Variants in UBAP2 observed in about 807,000 individuals in gnomAD.
UBAP2 encodes ubiquitin associated protein 2.
A neutral mutation model predicts 139.6 loss-of-function variants in UBAP2; 75 were observed. The observed-to-expected ratio is 0.54, with a 90% confidence interval of 0.45 to 0.65. The LOEUF is 0.65. Among genes scored for constraint, UBAP2 ranks in the 30% least tolerant of loss-of-function variants. The pLI is 0.00. For missense variants in UBAP2, 1,368 were observed against 1,369.6 expected (o/e 1.00, Z 0.02); for synonymous variants, 526 against 526.2 (o/e 1.00, Z 0.01).
At chr9:33,967,554 T>C (rs73479272) in intron 8 of UBAP2, among the ~76,000 whole-genome samples, 1,777 of 152,302 alleles carry the variant, frequency 0.012, 36 homozygotes, top group African/African-American at 0.04. Context: ...CTTTCATAGA[T>C]CTTATTGTTC....
chr9:33,963,958 T>C (rs1827263744), intron 8 of UBAP2, among the ~76,000 whole-genome samples, 167 bp from the exon 9 acceptor site: 1 of 152,226 alleles, frequency 6.6e-6, no homozygotes, highest in African/African-American at 2.4e-5. Flanking sequence ...AATCAAGTTA[T>C]GAATCTTATC....
In UBAP2 at chr9:33,927,891, G is replaced by C. The variant is rs915107047; in HGVS notation, c.2277C>G (p.Ser759=). 3.1e-6 allele frequency: 5 copies of C among 1,614,196 alleles called. No homozygotes were observed. The highest frequency in any genetic ancestry group is 4.2e-6 in the Non-Finnish European group (5 of 1,180,000). The change falls in exon 20 of 29, where the codon TCC becomes TCG. Residue 759 remains serine (S), a synonymous_variant. Coordinates refer to ENST00000379238, the MANE Select transcript of UBAP2 (RefSeq NM_001370062.2). Reference sequence around the variant, plus strand: ...GGCTGTTCGCGGTGTTCATGCTACTGGACAGGCTGGCGCCTGAGGATGCGG... The same window carrying C: ...GGCTGTTCGCGGTGTTCATGCTACTCGACAGGCTGGCGCCTGAGGATGCGG... ...SSSASSGASL[S]SSMNTANSLC...
At chr9:33,941,914 A>G (rs1825246874) in intron 15 of UBAP2, 52 bp from the exon 16 acceptor site, 1 of 1,255,228 alleles carries the variant, frequency 8.0e-7, no homozygotes, top group Non-Finnish European at 1.1e-6. Context: ...AAATAGCTTC[A>G]TAAAAAAAAA....
At chr9:33,995,596 AATT>A (rs1360414303) in intron 4 of UBAP2, 2 of 134,908 alleles carry the variant, frequency 1.5e-5, no homozygotes, top group Admixed American at 8.0e-5. Context: ...TAAAATTTAA[AATT>A]ATTAAATAAA....
chr9:34,018,881 T>G (rs1290312323), intron 1 of UBAP2, among the ~76,000 whole-genome samples: 1 of 70,210 alleles, frequency 1.4e-5, no homozygotes, highest in Non-Finnish European at 3.3e-5. Flanking sequence ...TAAATAAATT[T>G]TAAAAATAAA....
At position 33,923,943 on chromosome 9, in the gene UBAP2, G is replaced by A. The variant is rs1823181131; in HGVS notation, c.2648C>T (p.Pro883Leu). The change falls in exon 24 of 29, where the codon CCA (proline) becomes CTA (leucine). Residue 883 changes from proline (P) to leucine (L), a missense_variant. Coordinates refer to ENST00000379238, the MANE Select transcript of UBAP2 (RefSeq NM_001370062.2). Reference protein sequence around the residue: ...DSASPAPATTPAQPQQSQSQT... With the variant: ...DSASPAPATTLAQPQQSQSQT... ...TGATTGGCTCTGCTGTGGCTGAGCT[G>A]GTGTGGTAGCGGGTGCAGGGGATGC... The A allele has an allele frequency of 6.2e-7, 1 of 1,614,170 alleles. No individual in the cohort carries two copies.
At chr9:33,965,191 T>C (rs1326812552) in intron 8 of UBAP2, among the ~76,000 whole-genome samples, 3 of 152,180 alleles carry the variant, frequency 2.0e-5, no homozygotes, top group Admixed American at 6.5e-5. Flanking sequence ...AGTGTACAAT[T>C]TAGTGGCACA....
chr9:33,940,089 AAGG>A (rs1461690611), intron 16 of UBAP2, among the ~76,000 whole-genome samples: 2 of 151,362 alleles, frequency 1.3e-5, no homozygotes, highest in Non-Finnish European at 3.0e-5. Flanking sequence ...AGAAGAAAAA[AAGG>A]AGGAGGAGGA....
At chr9:34,028,508 T>C (rs886202204) in intron 1 of UBAP2, among the ~76,000 whole-genome samples, 2 of 151,992 alleles carry the variant, frequency 1.3e-5, no homozygotes, top group African/African-American at 4.8e-5. Context: ...GCCTCCCAAG[T>C]AGCTGGGATT....
At chr9:34,033,910 AT>A (rs1419158619) in intron 1 of UBAP2, among the ~76,000 whole-genome samples, 2 of 151,776 alleles carry the variant, frequency 1.3e-5, no homozygotes, top group Non-Finnish European at 2.9e-5. Flanking sequence ...TAATTTTTGC[AT>A]TTTTAGTAGA....
At chr9:33,981,205 G>GAT (rs376947939) in intron 6 of UBAP2, among the ~76,000 whole-genome samples, 166 of 3,680 alleles carry the variant, frequency 0.045, 57 homozygotes, top group South Asian at 0.16. Flanking sequence ...ATATATTCTG[G>GAT]ATATATATAT....
chr9:34,019,185 A>C (rs1032449495), intron 1 of UBAP2, among the ~76,000 whole-genome samples: 40 of 152,204 alleles, frequency 2.6e-4, no homozygotes, highest in Non-Finnish European at 2.9e-5. Flanking sequence ...TAGATTGATT[A>C]CAAGGTCAGG....
rs369678183 is a variant in UBAP2 at position 34,048,810 on chromosome 9, G to A, written c.-42+15C>T. ...GCCCTGGAAGAGGGAAGGAGAGGGA[G>A]AGGATGGCAATTACCGCTGCTGCTC... On this transcript the variant is annotated intron_variant, in intron 1 of 28. Coordinates refer to ENST00000379238, the MANE Select transcript of UBAP2 (RefSeq NM_001370062.2). The A allele has an allele frequency of 6.6e-6, 1 of 152,642 alleles. No homozygotes were observed. Among genetic ancestry groups the A allele is most frequent in the East Asian group, 1.9e-4 (1 of 5,196 alleles). 9.5% of individuals were successfully genotyped at this position (152,642 alleles called of 1,614,324 possible).
At chr9:33,958,487 T>C (rs1826753525) in intron 10 of UBAP2, among the ~76,000 whole-genome samples, 1 of 151,576 alleles carries the variant, frequency 6.6e-6, no homozygotes, top group Non-Finnish European at 1.5e-5. Flanking sequence ...CTTGTCTCAC[T>C]GCAAGTGCCT....
intron 22 of UBAP2, among the ~76,000 whole-genome samples, chr9:33,926,000 G>A (rs1823396297): frequency 6.6e-6 from 1 of 152,202 alleles, no homozygotes; most frequent in Non-Finnish European, 1.5e-5. Context: ...TCCCAGGAAA[G>A]GCCCACACTG....
chr9:33,983,044 AT>A (rs879335577), intron 6 of UBAP2, among the ~76,000 whole-genome samples: 13 of 151,734 alleles, frequency 8.6e-5, no homozygotes, highest in Non-Finnish European at 1.8e-4. Flanking sequence ...TACCCAGCTA[AT>A]TTTTTTGTAT....
chr9:33,948,990 C>A (rs1276568489), intron 12 of UBAP2: 2 of 161,238 alleles, frequency 1.2e-5, no homozygotes, highest in Non-Finnish European at 2.7e-5. Flanking sequence ...CACAGTGAAA[C>A]CCCGGCTCTA....
chr9:34,049,107 A>G (rs904011739), upstream of UBAP2, among the ~76,000 whole-genome samples: 1 of 152,202 alleles, frequency 6.6e-6, no homozygotes, highest in African/African-American at 2.4e-5. Flanking sequence ...GAGACTTGAT[A>G]ATATGTATTG....
intron 1 of UBAP2, among the ~76,000 whole-genome samples, chr9:34,027,305 A>C (rs1825483276): frequency 6.6e-6 from 1 of 151,788 alleles, no homozygotes; most frequent in African/African-American, 2.4e-5. Context: ...ACATAGTGAA[A>C]CCCTACCCTA....
Sources: gnomAD v4.1 joint callset for allele counts (sites outside exome capture counted in the v4.1 genomes callset) on GRCh38, gnomAD v4.1.1 for gene constraint, MANE v1.5 for transcripts, NCBI Gene and HGNC (gene_info 2026-07-23, HGNC 2026-07-21) for gene names.